Variants in SLC17A1 observed in about 807,000 individuals in gnomAD.
SLC17A1 encodes sodium-dependent phosphate transport protein 1.
Under a neutral mutation model 53.5 loss-of-function variants are expected in SLC17A1, and 51 were observed. That is an observed-to-expected ratio of 0.95 (90% CI 0.76 to 1.20). The LOEUF (loss-of-function observed/expected upper bound fraction) is 1.20, where lower values mean the gene tolerates loss of function less well. Ranked by LOEUF, SLC17A1 falls within the 50% of genes most tolerant of loss-of-function variation. SLC17A1 has a pLI of 0.00. For synonymous variants in SLC17A1, 179 were observed against 198.8 expected, an observed-to-expected ratio of 0.90 and a Z score of 0.84; for missense variants, 538 against 568.2, an observed-to-expected ratio of 0.95 and a Z score of 0.54.
At chr6:25,801,311 G>A (rs1381043890) in intron 10 of SLC17A1, among the ~76,000 whole-genome samples, 2 of 152,146 alleles carry the variant, frequency 1.3e-5, no homozygotes, top group South Asian at 2.1e-4. Context: ...ACTGGTTTGG[G>A]GTTAATAAAA....
the SLC17A1 span, among the ~76,000 whole-genome samples, chr6:25,753,070 C>A: frequency 6.6e-6 from 1 of 152,016 alleles, no homozygotes; most frequent in Non-Finnish European, 1.5e-5. Flanking sequence ...AACTAAGACA[C>A]AAATATGCAA....
chr6:25,781,367 A>G (rs1166410666), downstream of SLC17A1, among the ~76,000 whole-genome samples: 11 of 152,268 alleles, frequency 7.2e-5, 1 homozygote, highest in East Asian at 1.3e-3. Context: ...AATGTTTCCA[A>G]AAAAAGTGAG....
chr6:25,730,948 G>T, the SLC17A1 span, among the ~76,000 whole-genome samples: 2 of 152,162 alleles, frequency 1.3e-5, no homozygotes, highest in Non-Finnish European at 2.9e-5. Flanking sequence ...GACTGAAGTG[G>T]ATGGAGGTTG....
chr6:25,769,293 A>G, the SLC17A1 span: 3 of 1,083,884 alleles, frequency 2.8e-6, no homozygotes, highest in Non-Finnish European at 4.0e-6. Context: ...TTTACTGAAC[A>G]TGTACTATGT....
the SLC17A1 span, among the ~76,000 whole-genome samples, chr6:25,745,184 G>A: frequency 6.6e-6 from 1 of 152,140 alleles, no homozygotes; most frequent in African/African-American, 2.4e-5. Context: ...ACAAGAAATA[G>A]TAATTCCTCT....
chr6:25,760,211 C>T, the SLC17A1 span, among the ~76,000 whole-genome samples: 1 of 152,132 alleles, frequency 6.6e-6, no homozygotes, highest in Non-Finnish European at 1.5e-5. Flanking sequence ...GCACATTTTC[C>T]CATGTTTGTT....
the SLC17A1 span, among the ~76,000 whole-genome samples, chr6:25,743,403 C>T: frequency 9.9e-5 from 15 of 152,152 alleles, no homozygotes; most frequent in Middle Eastern, 3.4e-3. Context: ...TTATGAGATG[C>T]CTTCTATTTT....
chr6:25,747,717 A>G, the SLC17A1 span, among the ~76,000 whole-genome samples: 1 of 152,240 alleles, frequency 6.6e-6, no homozygotes, highest in East Asian at 1.9e-4. Context: ...GTTGTTCACC[A>G]CTAGAGGATA....
chr6:25,770,911 G>A, the SLC17A1 span: 10 of 1,608,146 alleles, frequency 6.2e-6, no homozygotes, highest in South Asian at 3.3e-5. Flanking sequence ...GAACATCCTC[G>A]CCTCTTCTGT....
the SLC17A1 span, among the ~76,000 whole-genome samples, chr6:25,758,660 G>A: frequency 6.6e-6 from 1 of 152,108 alleles, no homozygotes; most frequent in East Asian, 1.9e-4. Context: ...TTCAAATTGA[G>A]CTTATTTGGA....
At chr6:25,762,600 T>C in the SLC17A1 span, among the ~76,000 whole-genome samples, 1 of 152,234 alleles carries the variant, frequency 6.6e-6, no homozygotes, top group Non-Finnish European at 1.5e-5. Context: ...CTTTTAAGGA[T>C]ATAGTCATTT....
At chr6:25,738,330 T>G in the SLC17A1 span, among the ~76,000 whole-genome samples, 6,967 of 152,188 alleles carry the variant, frequency 0.046, 457 homozygotes, top group African/African-American at 0.15. Flanking sequence ...AGGATAGTGT[T>G]TTCAATAGCT....
At chr6:25,784,254 A>G (rs111997138) in intron 12 of SLC17A1, among the ~76,000 whole-genome samples, 4 of 152,312 alleles carry the variant, frequency 2.6e-5, no homozygotes, top group African/African-American at 9.6e-5. Context: ...ATAGGCAATC[A>G]TGATACATCT....
the SLC17A1 span, chr6:25,770,552 A>G: frequency 1.6e-6 from 2 of 1,249,526 alleles, no homozygotes. Context: ...CCAAGATCTT[A>G]TATATCAATC....
At chr6:25,786,202 A>G (rs75998290) in intron 12 of SLC17A1, among the ~76,000 whole-genome samples, 2,069 of 152,384 alleles carry the variant, frequency 0.014, 30 homozygotes, top group Middle Eastern at 0.054. Context: ...AAACATGTCA[A>G]GTGAAACAGG....
chr6:25,805,158 T>A (rs1473305392), intron 10 of SLC17A1, among the ~76,000 whole-genome samples: 1 of 151,992 alleles, frequency 6.6e-6, no homozygotes, highest in African/African-American at 2.4e-5. Flanking sequence ...ACAAATTTTT[T>A]AAAATTGATC....
chr6:25,760,728 T>C, the SLC17A1 span, among the ~76,000 whole-genome samples: 18 of 152,310 alleles, frequency 1.2e-4, no homozygotes, highest in African/African-American at 4.3e-4. Context: ...TGCTAATTCT[T>C]TCATTAGCTA....
At chr6:25,766,370 T>A in the SLC17A1 span, among the ~76,000 whole-genome samples, 1 of 152,202 alleles carries the variant, frequency 6.6e-6, no homozygotes, top group Middle Eastern at 3.2e-3. Context: ...CTATTTATCC[T>A]GTGCAGAAGA....
the SLC17A1 span, among the ~76,000 whole-genome samples, chr6:25,735,054 G>A: frequency 1.3e-5 from 2 of 152,264 alleles, no homozygotes; most frequent in Admixed American, 6.5e-5. Context: ...TCAGTAACTC[G>A]CTTATGTTCA....
Sources: allele counts gnomAD v4.1 joint callset (sites outside exome capture counted in the v4.1 genomes callset), GRCh38; gene constraint gnomAD v4.1.1; transcripts MANE v1.5; gene names NCBI Gene and HGNC (gene_info 2026-07-23, HGNC 2026-07-21).